SYNPO2: variants seen among roughly 807,000 people sequenced by gnomAD.
The protein encoded by SYNPO2 is synaptopodin-2.
SYNPO2 carries 56 observed loss-of-function variants against 85.0 expected under a neutral mutation model. The ratio of observed to expected loss-of-function variants is 0.66; its 90% CI spans 0.53 to 0.82. SYNPO2 has a LOEUF of 0.82. Ranked by LOEUF, SYNPO2 falls within the 40% of genes least tolerant of loss-of-function variation. The probability of loss-of-function intolerance (pLI) is 0.00; values close to 1 mark genes in which losing one functional copy is unlikely to be tolerated. For missense variants in SYNPO2, 1,575 were observed against 1,534.2 expected (o/e 1.03, Z -0.44); for synonymous variants, 602 against 591.1 (o/e 1.02, Z -0.27).
Position 118,888,882 on chromosome 4 carries a change from G to GGCGGCTGGGGCAGCGGCTGGGGCA in SYNPO2, c.-136_-135insGGGCAGCGGCTGGGGCAGCGGCTG, listed in dbSNP as rs756991876. The stretch of plus-strand genomic sequence containing the variant: ...CAAATTCGCAGCAGGCGGCTGGGGC[G>GGCGGCTGGGGCAGCGGCTGGGGCA]GCGGCTGGGGCAGCGGCTGCAGCAG... On this transcript the variant is annotated 5_prime_UTR_variant, in exon 1 of 5. Transcript: ENST00000307142. The GGCGGCTGGGGCAGCGGCTGGGGCA allele has an allele frequency of 1.6e-5, 12 of 735,490 alleles. No individual in the cohort carries two copies. Among genetic ancestry groups the GGCGGCTGGGGCAGCGGCTGGGGCA allele is most frequent in the Middle Eastern group, 3.8e-4 (1 of 2,618 alleles). 45.6% of individuals were successfully genotyped at this position (735,490 alleles called of 1,614,324 possible).
intron 4 of SYNPO2, among the ~76,000 whole-genome samples, chr4:119,056,278 C>A (rs1272186777): frequency 6.6e-6 from 1 of 152,140 alleles, no homozygotes; most frequent in Non-Finnish European, 1.5e-5. Context: ...TGTAGCCAGG[C>A]ACCGGGGCTC....
chr4:119,026,601 G>T, intron 2 of SYNPO2, 26 bp from the exon 3 acceptor site: 1 of 1,559,136 alleles, frequency 6.4e-7, no homozygotes, highest in Non-Finnish European at 8.7e-7. Flanking sequence ...TGATTTAAGT[G>T]TCTGGAATGA....
chr4:118,916,885 A>C (rs1733354963), intron 1 of SYNPO2, among the ~76,000 whole-genome samples: 1 of 151,608 alleles, frequency 6.6e-6, no homozygotes, highest in African/African-American at 2.4e-5. Context: ...AAGATGCGTC[A>C]CCATGCCTGG....
intron 1 of SYNPO2, among the ~76,000 whole-genome samples, chr4:118,940,703 TGA>T (rs1734280023): frequency 1.3e-5 from 2 of 152,128 alleles, no homozygotes; most frequent in South Asian, 4.2e-4. Flanking sequence ...TGCTTGGGGC[TGA>T]GTCTTCAACA....
intron 1 of SYNPO2, among the ~76,000 whole-genome samples, chr4:118,961,665 T>C (rs575789736): frequency 4.7e-4 from 72 of 152,196 alleles, no homozygotes; most frequent in Non-Finnish European, 8.7e-4. Flanking sequence ...TCTAAATTCG[T>C]AAAGCTCTCT....
rs772657285 is a variant in SYNPO2, at chr4:119,031,378, T to C, written c.2603T>C (p.Met868Thr). 3 of 1,614,174 alleles carry C rather than the reference T, an allele frequency of 1.9e-6. No homozygotes were observed. Among genetic ancestry groups the C allele is most frequent in the Non-Finnish European group, 2.5e-6 (3 of 1,180,038 alleles). Residue 868 changes from methionine (M) to threonine (T), a missense_variant, in exon 4 of 5, where the codon ATG (methionine) becomes ACG (threonine). Coordinates refer to ENST00000307142, the MANE Select transcript of SYNPO2 (RefSeq NM_133477.3). ...AVGPSNELPG[M>T]SGRGAQLFAK... The stretch of plus-strand genomic sequence containing the variant: ...GGACCATCCAATGAGCTTCCAGGAA[T>C]GAGTGGGAGAGGAGCTCAGCTCTTT...
At chr4:118,888,809 G>T, upstream of SYNPO2, 1 of 567,566 alleles carries the variant, frequency 1.8e-6, no homozygotes, top group Non-Finnish European at 3.1e-6. Flanking sequence ...CTGTGTCCTG[G>T]ATGCTGCGAG....
In SYNPO2 at chr4:119,057,940, A is replaced by G. The variant is rs375505036; in HGVS notation, c.*6A>G. 9.5e-5 allele frequency: 152 copies of G among 1,606,440 alleles called. No homozygotes were observed. The African/African-American group carries it at 1.9e-3, about 20-fold the overall frequency. ...GATGGAGACGCCAAACATGAAAGTTAGAAGAACGGATCATGTGCCAACTGT... is the reference window on the plus strand; with the variant it reads ...GATGGAGACGCCAAACATGAAAGTTGGAAGAACGGATCATGTGCCAACTGT... On this transcript the variant is annotated 3_prime_UTR_variant, in exon 5 of 5. Coordinates refer to ENST00000307142, the MANE Select transcript of SYNPO2 (RefSeq NM_133477.3).
At chr4:118,851,976 A>G (rs1194901003) in intron 1 of SYNPO2, among the ~76,000 whole-genome samples, 1 of 152,184 alleles carries the variant, frequency 6.6e-6, no homozygotes, top group East Asian at 1.9e-4. Context: ...GGTTAATTGC[A>G]ATGTGGAATC....
chr4:118,930,125 A>T (rs927354834), intron 1 of SYNPO2, among the ~76,000 whole-genome samples: 1 of 152,186 alleles, frequency 6.6e-6, no homozygotes, highest in African/African-American at 2.4e-5. Context: ...AGCAATAATG[A>T]AACTTCTGAG....
intron 1 of SYNPO2, among the ~76,000 whole-genome samples, chr4:118,937,611 A>G (rs1578566613): frequency 6.6e-6 from 1 of 152,138 alleles, no homozygotes; most frequent in Non-Finnish European, 1.5e-5. Flanking sequence ...CTGGGTTTGA[A>G]TCCTTGTGCT....
intron 2 of SYNPO2, among the ~76,000 whole-genome samples, chr4:119,025,586 T>C (rs558748478): frequency 6.6e-6 from 1 of 152,236 alleles, no homozygotes; most frequent in East Asian, 1.9e-4. Flanking sequence ...TAAGGTAAAT[T>C]CCTTTGAGTA....
intron 1 of SYNPO2, among the ~76,000 whole-genome samples, chr4:118,949,564 A>G (rs1192137082): frequency 5.3e-5 from 8 of 151,260 alleles, no homozygotes. Context: ...CAACATGGTG[A>G]AACCTGTCTC....
intron 1 of SYNPO2, among the ~76,000 whole-genome samples, chr4:118,967,860 CAAA>C (rs34878457): frequency 0.16 from 23,693 of 145,226 alleles, 2,045 homozygotes; most frequent in East Asian, 0.29. Context: ...ATCTTTATAC[CAAA>C]AAAAAAAAAA....
At chr4:118,909,848 T>C (rs1296709570) in intron 1 of SYNPO2, among the ~76,000 whole-genome samples, 1 of 152,152 alleles carries the variant, frequency 6.6e-6, no homozygotes, top group Non-Finnish European at 1.5e-5. Context: ...TTGACAGAAG[T>C]TGGTATCCAC....
At chr4:118,982,314 T>C (rs1676925042) in intron 1 of SYNPO2, among the ~76,000 whole-genome samples, 1 of 152,152 alleles carries the variant, frequency 6.6e-6, no homozygotes, top group African/African-American at 2.4e-5. Context: ...CTAAAATATA[T>C]TGCACAATGA....
At chr4:118,978,148 G>A (rs1735862045) in intron 1 of SYNPO2, among the ~76,000 whole-genome samples, 2 of 152,146 alleles carry the variant, frequency 1.3e-5, no homozygotes, top group African/African-American at 4.8e-5. Flanking sequence ...TTTTCTAGTT[G>A]CAACTTGCTT....
At chr4:119,033,931 A>G in intron 4 of SYNPO2, 2 of 985,374 alleles carry the variant, frequency 2.0e-6, no homozygotes, top group Non-Finnish European at 2.4e-6. Context: ...CTGCAGAACA[A>G]TGGGGCTGAT....
intron 1 of SYNPO2, among the ~76,000 whole-genome samples, chr4:119,017,254 G>A (rs185239048): frequency 2.0e-5 from 3 of 152,256 alleles, no homozygotes; most frequent in Admixed American, 2.0e-4. Context: ...ACTGAGGTTG[G>A]TGTTTAGGAT....
Sources: allele counts gnomAD v4.1 joint callset (sites outside exome capture counted in the v4.1 genomes callset), GRCh38; gene constraint gnomAD v4.1.1; transcripts MANE v1.5; gene names NCBI Gene and HGNC (gene_info 2026-07-23, HGNC 2026-07-21).